Variants in KIAA1217 observed in about 807,000 individuals in gnomAD.
KIAA1217 encodes sickle tail protein homolog.
A neutral mutation model predicts 163.9 loss-of-function variants in KIAA1217; 88 were observed. The ratio of observed to expected loss-of-function variants is 0.54; its 90% CI spans 0.45 to 0.64. The LOEUF (loss-of-function observed/expected upper bound fraction) is 0.64. Ranked by LOEUF, KIAA1217 falls within the 30% of genes least tolerant of loss-of-function variation. The probability of loss-of-function intolerance (pLI) is 0.00; values close to 1 mark genes in which losing one functional copy is unlikely to be tolerated. For missense variants in KIAA1217, 2,372 were observed against 2,475.0 expected (o/e 0.96, Z 0.88); for synonymous variants, 903 against 923.1 (o/e 0.98, Z 0.39).
At chr10:24,310,310 G>C (rs139274628) in intron 2 of KIAA1217, among the ~76,000 whole-genome samples, 2,773 of 152,242 alleles carry the variant, frequency 0.018, 47 homozygotes, top group Middle Eastern at 0.027. Flanking sequence ...ACTCGATGAG[G>C]TAAGTGCTAT....
chr10:23,939,721 C>T (rs1190054085), intron 1 of KIAA1217, among the ~76,000 whole-genome samples: 1 of 151,438 alleles, frequency 6.6e-6, no homozygotes, highest in Non-Finnish European at 1.5e-5. Flanking sequence ...GACAGAGAAT[C>T]ATCAAGTATA....
chr10:24,414,711 C>T (rs936362008), intron 3 of KIAA1217, among the ~76,000 whole-genome samples: 2 of 152,326 alleles, frequency 1.3e-5, no homozygotes, highest in African/African-American at 4.8e-5. Flanking sequence ...TCCTTGCGGA[C>T]TCGCCCCACC....
chr10:24,162,728 G>C (rs1017171942), intron 2 of KIAA1217, among the ~76,000 whole-genome samples: 1 of 152,212 alleles, frequency 6.6e-6, no homozygotes, highest in African/African-American at 2.4e-5. Context: ...GGTGGTTCAA[G>C]CTCAGGATCT....
At chr10:24,144,389 G>A (rs984712128) in intron 2 of KIAA1217, among the ~76,000 whole-genome samples, 21 of 152,202 alleles carry the variant, frequency 1.4e-4, no homozygotes, top group Admixed American at 1.0e-3. Flanking sequence ...AGTGAACTCT[G>A]CTAAGGAAAG....
upstream of KIAA1217, among the ~76,000 whole-genome samples, chr10:24,205,666 G>A (rs909768801): frequency 1.3e-5 from 2 of 151,372 alleles, no homozygotes; most frequent in Non-Finnish European, 2.9e-5. Context: ...CCAGCTACTT[G>A]GGAGGCTGAG....
In KIAA1217 at chr10:24,219,835, C is replaced by G. The variant is rs567885169; in HGVS notation, c.280C>G (p.Leu94Val). The G allele has an allele frequency of 1.5e-5, 24 of 1,613,708 alleles. No individual in the cohort carries two copies. The highest frequency in any genetic ancestry group is 1.3e-4 in the Admixed American group (8 of 59,976). ...GATGGATCGGAAGAGAGAAGCGTTCCTAGAACATCTGAAGCAGAAGTACCC... is the reference window on the plus strand; with the variant it reads ...GATGGATCGGAAGAGAGAAGCGTTCGTAGAACATCTGAAGCAGAAGTACCC... The part of the protein sequence containing the change: ...SEMDRKREAF[L>V]EHLKQKYPHH... Residue 94 changes from leucine to valine, a missense_variant, in exon 2 of 21, where the codon CTA (leucine) becomes GTA (valine). Leu to Val is a conservative substitution (Grantham distance 32). This residue lies in a region of KIAA1217 where 1,431 missense variants were observed against 1,470.3 expected (regional missense o/e 0.97). Coordinates refer to ENST00000376454, the MANE Select transcript of KIAA1217 (RefSeq NM_019590.5).
At chr10:24,436,005 T>C (rs1166982736) in intron 4 of KIAA1217, among the ~76,000 whole-genome samples, 1 of 151,772 alleles carries the variant, frequency 6.6e-6, no homozygotes, top group African/African-American at 2.4e-5. Flanking sequence ...GGACTACAGG[T>C]GTGCGCCACC....
intron 1 of KIAA1217, among the ~76,000 whole-genome samples, chr10:23,911,803 G>A (rs1046182779): frequency 7.2e-5 from 11 of 152,090 alleles, no homozygotes; most frequent in Admixed American, 2.0e-4. Flanking sequence ...CTTCTGTATG[G>A]AGCGGTGCTT....
rs565414218 is a variant in KIAA1217 at position 24,422,431 on chromosome 10, A to G, written c.554-10564A>G. Reference sequence around the variant, plus strand: ...TAATTAGAATAGTGTTCCTCACAGCATTTTCTTATAATATTTTCTCCCTTA... The same window carrying G: ...TAATTAGAATAGTGTTCCTCACAGCGTTTTCTTATAATATTTTCTCCCTTA... On this transcript the variant is annotated intron_variant, in intron 3 of 20. Transcript: ENST00000376454. Among the ~76,000 whole-genome samples, 6 of 151,852 alleles carry G rather than the reference A, an allele frequency of 4.0e-5. No homozygotes were observed. The South Asian group carries it at 8.3e-4, about 21-fold the overall frequency.
At chr10:23,742,869 T>A (rs925733766) in intron 1 of KIAA1217, among the ~76,000 whole-genome samples, 6 of 152,194 alleles carry the variant, frequency 3.9e-5, no homozygotes, top group Non-Finnish European at 4.4e-5. Context: ...ATGATCATCA[T>A]ATAACAAGAA....
intron 1 of KIAA1217, among the ~76,000 whole-genome samples, chr10:23,923,418 T>C (rs1420839947): frequency 6.6e-6 from 1 of 152,110 alleles, no homozygotes; most frequent in East Asian, 1.9e-4. Context: ...GATGCCTACA[T>C]CCTTATATGG....
intron 2 of KIAA1217, among the ~76,000 whole-genome samples, chr10:24,058,932 T>G (rs2060621148): frequency 6.6e-6 from 1 of 152,210 alleles, no homozygotes; most frequent in African/African-American, 2.4e-5. Flanking sequence ...ATAGAAGTAG[T>G]AAGAGTGATC....
chr10:24,076,669 G>A (rs1217736035), intron 2 of KIAA1217, among the ~76,000 whole-genome samples: 3 of 152,054 alleles, frequency 2.0e-5, no homozygotes, highest in African/African-American at 7.2e-5. Flanking sequence ...CCCACAGTCA[G>A]GATTCTCTGT....
intron 20 of KIAA1217, chr10:24,545,427 T>G: frequency 7.7e-7 from 1 of 1,296,108 alleles, no homozygotes; most frequent in Non-Finnish European, 9.8e-7. Flanking sequence ...CAAACCAACC[T>G]GTGGTTGAAC....
chr10:24,145,978 C>T (rs2064291935), intron 2 of KIAA1217, among the ~76,000 whole-genome samples: 1 of 152,218 alleles, frequency 6.6e-6, no homozygotes, highest in Admixed American at 6.5e-5. Flanking sequence ...CCTTTGGCAA[C>T]ACTCACAGAC....
intron 2 of KIAA1217, among the ~76,000 whole-genome samples, chr10:24,182,225 C>T (rs902776945): frequency 8.5e-5 from 13 of 152,160 alleles, no homozygotes; most frequent in African/African-American, 3.1e-4. Context: ...CACTTGTGGC[C>T]AGGAGTTTGA....
chr10:23,987,913 G>A (rs572473453), intron 1 of KIAA1217, among the ~76,000 whole-genome samples: 5 of 152,252 alleles, frequency 3.3e-5, no homozygotes, highest in Admixed American at 1.3e-4. Context: ...CTTTTAAGTC[G>A]TAGGATACTT....
At chr10:24,284,640 T>G (rs2078346089) in intron 2 of KIAA1217, among the ~76,000 whole-genome samples, 1 of 152,144 alleles carries the variant, frequency 6.6e-6, no homozygotes, top group African/African-American at 2.4e-5. Context: ...GATGGGCCCC[T>G]AGGTTGATTC....
chr10:24,405,063 G>C (rs2057057981), intron 3 of KIAA1217, among the ~76,000 whole-genome samples: 1 of 152,110 alleles, frequency 6.6e-6, no homozygotes, highest in African/African-American at 2.4e-5. Context: ...TGTGTTAGTA[G>C]TTACACACAG....
Sources: gnomAD v4.1 joint callset for allele counts (sites outside exome capture counted in the v4.1 genomes callset) on GRCh38, gnomAD v4.1.1 for gene constraint, gnomAD v4.1.1 regional missense constraint, MANE v1.5 for transcripts, NCBI Gene and HGNC (gene_info 2026-07-23, HGNC 2026-07-21) for gene names.